Variants in RNF4 observed in about 807,000 individuals in gnomAD.
RNF4 encodes the protein ring finger protein 4, also known as E3 ubiquitin-protein ligase RNF4.
In RNF4, 7 loss-of-function variants were observed where a neutral mutation model predicts 24.3. The ratio of observed to expected loss-of-function variants is 0.29; its 90% CI spans 0.16 to 0.54. The LOEUF is 0.54. Ranked by LOEUF, RNF4 falls within the 20% of genes least tolerant of loss-of-function variation. The pLI is 0.95. For missense variants in RNF4, 209 were observed against 248.5 expected (o/e 0.84, Z 1.07); for synonymous variants, 83 against 84.3 (o/e 0.98, Z 0.09).
chr4:2,508,665 C>T (rs1242871580), intron 4 of RNF4, among the ~76,000 whole-genome samples: 1 of 152,140 alleles, frequency 6.6e-6, no homozygotes, highest in Non-Finnish European at 1.5e-5. Context: ...GGCTGGAGTG[C>T]AGTGGTGCAA....
intron 1 of RNF4, among the ~76,000 whole-genome samples, chr4:2,476,587 T>C (rs1735082096): frequency 6.6e-6 from 1 of 152,064 alleles, no homozygotes. Flanking sequence ...AGAGATGGGG[T>C]TTCACCATGT....
chr4:2,489,275 C>T (rs989235900), intron 1 of RNF4, among the ~76,000 whole-genome samples: 1 of 152,132 alleles, frequency 6.6e-6, no homozygotes, highest in Non-Finnish European at 1.5e-5. Context: ...GTAGGGTAGA[C>T]GGGCACCCAG....
chr4:2,476,182 C>T (rs974011852), intron 1 of RNF4, among the ~76,000 whole-genome samples: 11 of 152,146 alleles, frequency 7.2e-5, no homozygotes, highest in African/African-American at 2.7e-4. Context: ...CCACACCTCA[C>T]CTCTTACTTT....
intron 4 of RNF4, among the ~76,000 whole-genome samples, chr4:2,501,659 T>C (rs183783499): frequency 9.2e-5 from 14 of 152,254 alleles, no homozygotes; most frequent in Admixed American, 9.2e-4. Flanking sequence ...GACAGTGTGC[T>C]CGGAACACAG....
In RNF4 at chr4:2,490,385, C is replaced by A. The variant is rs1735543417; in HGVS notation, c.-109C>A. ...TCCGGATCCAAATTATTTTGCAAGC[C>A]AGATGAGTAACCAGAGGGCATGAAA... On this transcript the variant is annotated 5_prime_UTR_variant, in exon 2 of 8. Coordinates refer to ENST00000314289, the MANE Select transcript of RNF4 (RefSeq NM_002938.5). The A allele has an allele frequency of 9.3e-7, 1 of 1,075,402 alleles. No homozygotes were observed. The highest frequency in any genetic ancestry group is 1.4e-6 in the Non-Finnish European group (1 of 728,936). The allele number at this position is 1,075,402 out of a possible 1,614,324, so 66.6% of individuals were successfully genotyped here.
At chr4:2,475,845 C>G (rs1235292857) in intron 1 of RNF4, among the ~76,000 whole-genome samples, 5 of 152,098 alleles carry the variant, frequency 3.3e-5, no homozygotes, top group African/African-American at 1.2e-4. Context: ...GGTCACTTGC[C>G]CAAGGTCACA....
intron 1 of RNF4, chr4:2,480,243 C>T (rs912877224): frequency 6.6e-6 from 1 of 150,928 alleles, no homozygotes; most frequent in Non-Finnish European, 1.5e-5. Context: ...ATGCCTGGCC[C>T]TAGAGCTTGA....
intron 2 of RNF4, among the ~76,000 whole-genome samples, chr4:2,495,126 G>A (rs1735694130): frequency 6.6e-6 from 1 of 152,216 alleles, no homozygotes; most frequent in Non-Finnish European, 1.5e-5. Flanking sequence ...GCTCACTTGG[G>A]AGTTTTGGCT....
chr4:2,486,341 C>T (rs1021195717), intron 1 of RNF4, among the ~76,000 whole-genome samples: 6 of 152,146 alleles, frequency 3.9e-5, no homozygotes, highest in Admixed American at 1.3e-4. Flanking sequence ...TTCCCATGAC[C>T]GCTAAGGTCT....
At position 2,509,824 on chromosome 4, in the gene RNF4, C is replaced by T. The variant is rs1736216372; in HGVS notation, c.205-2132C>T. On this transcript the variant is annotated intron_variant, in intron 4 of 7. Transcript: ENST00000314289. Reference sequence around the variant, plus strand: ...TCATACCCTTTCCAGGTGTCCACACCTAATTAGTGGGTCATCTTGGCAGAG... The same window carrying T: ...TCATACCCTTTCCAGGTGTCCACACTTAATTAGTGGGTCATCTTGGCAGAG... 2.0e-5 allele frequency among the ~76,000 whole-genome samples: 3 copies of T among 152,210 alleles called. No homozygotes were observed. In the South Asian group the frequency reaches 6.2e-4, roughly 32 times the overall value.
At chr4:2,472,009 T>C (rs1486979592) in intron 1 of RNF4, among the ~76,000 whole-genome samples, 1 of 152,180 alleles carries the variant, frequency 6.6e-6, no homozygotes, top group Non-Finnish European at 1.5e-5. Context: ...AGACTTTCAA[T>C]GTAAATGAAA....
intron 4 of RNF4, among the ~76,000 whole-genome samples, chr4:2,502,769 A>G (rs1356516248): frequency 6.6e-6 from 1 of 151,290 alleles, no homozygotes; most frequent in Non-Finnish European, 1.5e-5. Context: ...ACTTGAACCC[A>G]GGAGGCGGAG....
chr4:2,510,514 C>T (rs114447185), intron 4 of RNF4, among the ~76,000 whole-genome samples: 71 of 152,342 alleles, frequency 4.7e-4, no homozygotes, highest in African/African-American at 1.5e-3. Context: ...GCAGCTGTGC[C>T]TGCCAGTGCC....
At chr4:2,473,210 C>T (rs995279177) in intron 1 of RNF4, among the ~76,000 whole-genome samples, 10 of 151,600 alleles carry the variant, frequency 6.6e-5, no homozygotes, top group South Asian at 2.1e-4. Flanking sequence ...GGTGAAACCC[C>T]GTCTCTACCA....
chr4:2,495,644 G>GGC (rs992802597), intron 2 of RNF4, among the ~76,000 whole-genome samples: 2 of 148,666 alleles, frequency 1.3e-5, no homozygotes, highest in Non-Finnish European at 3.0e-5. Flanking sequence ...TTTTTTGGGG[G>GGC]GGGGTGAGAT....
intron 2 of RNF4, chr4:2,490,758 C>T (rs940034188): frequency 4.8e-6 from 2 of 416,536 alleles, no homozygotes; most frequent in Admixed American, 7.7e-5. Flanking sequence ...AATCTCAGAC[C>T]TTCACAACAG....
At chr4:2,481,606 C>T (rs1341662577) in intron 1 of RNF4, among the ~76,000 whole-genome samples, 2 of 152,200 alleles carry the variant, frequency 1.3e-5, no homozygotes, top group African/African-American at 4.8e-5. Flanking sequence ...GGACCTCCTC[C>T]TCCTGCTCTC....
rs368710913 is a variant in RNF4, at chr4:2,514,889, C to T, written c.*1070C>T. The T allele has an allele frequency of 2.6e-4, 39 of 152,686 alleles. No homozygotes were observed. The highest frequency in any genetic ancestry group is 8.7e-4 in the African/African-American group (36 of 41,574). 9.5% of individuals were successfully genotyped at this position (152,686 alleles called of 1,614,324 possible). A position where few individuals can be genotyped will look rare whatever the true frequency, so the allele number is the denominator to read the frequency against. The stretch of plus-strand genomic sequence containing the variant: ...CCAGTGCCGTTTATTTCAGAAGCTT[C>T]CTGGCCACTGGGCTTGGATGCTTCG... On this transcript the variant is annotated 3_prime_UTR_variant, in exon 8 of 8. Coordinates refer to ENST00000314289, the MANE Select transcript of RNF4 (RefSeq NM_002938.5).
Position 2,482,984 on chromosome 4 carries a change from T to C in RNF4, c.-157-7353T>C, listed in dbSNP as rs566782660. The stretch of plus-strand genomic sequence containing the variant: ...AGCCCTTGCTGAGAGCCGGAAACAT[T>C]GGTTCCAGTTCCTCCTGGGGTGAAG... On this transcript the variant is annotated intron_variant, in intron 1 of 7. Transcript: ENST00000314289. Among the ~76,000 whole-genome samples, 9 of 152,330 alleles carry C rather than the reference T, an allele frequency of 5.9e-5. 1 individual carries two copies. The South Asian group carries it at 8.3e-4, about 14-fold the overall frequency.
Sources: gnomAD v4.1 joint callset for allele counts (sites outside exome capture counted in the v4.1 genomes callset) on GRCh38, gnomAD v4.1.1 for gene constraint, MANE v1.5 for transcripts, NCBI Gene and HGNC (gene_info 2026-07-23, HGNC 2026-07-21) for gene names.